The following KDM6B variants were observed in gnomAD, a reference collection of about 807,000 sequenced individuals.
The protein encoded by KDM6B is lysine demethylase 6B.
KDM6B carries 22 observed loss-of-function variants against 150.4 expected under a neutral mutation model. The ratio of observed to expected loss-of-function variants is 0.15; its 90% CI spans 0.10 to 0.21. The LOEUF (loss-of-function observed/expected upper bound fraction) is 0.21. KDM6B is among the 10% of genes least tolerant of loss of function. The probability of loss-of-function intolerance (pLI) is 1.00; values close to 1 mark genes in which losing one functional copy is unlikely to be tolerated. For missense variants in KDM6B, 1,984 were observed against 2,234.3 expected (o/e 0.89, Z 2.26); for synonymous variants, 1,148 against 921.1 (o/e 1.25, Z -4.46).
intron 1 of KDM6B, among the ~76,000 whole-genome samples, chr17:7,836,378 G>A (rs188768150): frequency 3.3e-5 from 5 of 152,238 alleles, no homozygotes; most frequent in African/African-American, 1.2e-4. Context: ...TCTTCCTCTC[G>A]CCGTGTCCTG....
chr17:7,838,560 T>C (rs2078367774), intron 1 of KDM6B, among the ~76,000 whole-genome samples: 1 of 125,982 alleles, frequency 7.9e-6, no homozygotes, highest in African/African-American at 3.2e-5. Flanking sequence ...TTTAAATGGC[T>C]GTTAGCCCCT....
chr17:7,846,378 C>CG, intron 7 of KDM6B, 22 bp from the exon 8 acceptor site: 1 of 599,606 alleles, frequency 1.7e-6, no homozygotes, highest in Non-Finnish European at 3.0e-6. Flanking sequence ...TCTGCCCCTG[C>CG]CCCGTGTCCC....
intron 1 of KDM6B, among the ~76,000 whole-genome samples, chr17:7,835,075 GC>G (rs1216303658): frequency 6.6e-6 from 1 of 151,940 alleles, no homozygotes; most frequent in South Asian, 2.1e-4. Flanking sequence ...AGTAGCTGAA[GC>G]CCCCCGCCCC....
In KDM6B at chr17:7,843,635, G is replaced by A. The variant is rs1387474470; in HGVS notation, c.-268-1266G>A. 6.6e-6 allele frequency among the ~76,000 whole-genome samples: 1 copy of A among 151,986 alleles called. No individual in the cohort carries two copies. Among genetic ancestry groups the A allele is most frequent in the African/African-American group, 2.4e-5 (1 of 41,374 alleles). On this transcript the variant is annotated intron_variant, in intron 2 of 23. Coordinates refer to ENST00000448097, the MANE Select transcript of KDM6B (RefSeq NM_001348716.2). This position sits in a 1 kb window ranked among gnomAD's most constrained non-coding sequence, Gnocchi z 4.5. ...CCAGCCACCCCCAGCCCCTCGTCGC[G>A]CACTCTCCCCCGGCTTCCTGCCCGG...
intron 3 of KDM6B, 91 bp from the exon 4 acceptor site, chr17:7,845,223 A>C: frequency 2.1e-6 from 1 of 474,160 alleles, no homozygotes; most frequent in Non-Finnish European, 3.9e-6. Context: ...CACAAATGAC[A>C]AATTGGTGGA....
At chr17:7,841,448 AAC>A (rs1169273254) in intron 2 of KDM6B, among the ~76,000 whole-genome samples, 3 of 152,242 alleles carry the variant, frequency 2.0e-5, no homozygotes, top group East Asian at 3.8e-4. Flanking sequence ...CATGAAGGCA[AAC>A]ACAGAAGGGC....
At position 7,852,496 on chromosome 17, in the gene KDM6B, C is replaced by T. The variant is rs200157025; in HGVS notation, c.4470C>T (p.Ala1490=). 2.5e-6 allele frequency: 4 copies of T among 1,607,214 alleles called. No homozygotes were observed. The highest frequency in any genetic ancestry group is 1.7e-5 in the Admixed American group (1 of 59,090). Residue 1490 remains alanine, a splice_region_variant and synonymous_variant, in exon 21 of 24, where the codon GCC becomes GCT. Transcript: ENST00000448097. ...GTTGTGATCGCCTTTGGCCCGCAGC[C>T]TATCAGTACCAGCTGGCCCTGGAAC... is the stretch of plus-strand genomic sequence containing the variant. ...NIAWNVGPLT[A]YQYQLALERY...
intron 2 of KDM6B, among the ~76,000 whole-genome samples, chr17:7,841,733 C>G (rs779364323): frequency 6.6e-6 from 1 of 152,208 alleles, no homozygotes; most frequent in Non-Finnish European, 1.5e-5. Context: ...GACACAAGGC[C>G]TGCAGTGACA....
Position 7,851,391 on chromosome 17 carries a change from C to G in KDM6B, c.3941C>G (p.Pro1314Arg). Residue 1314 changes from proline to arginine, a missense_variant, in exon 16 of 24, where the codon CCT (proline) becomes CGT (arginine). Pro to Arg is a moderately radical substitution (Grantham distance 103). Transcript: ENST00000448097. ...EEPDSTTGTP[P>R]SSAPDPKNHH... is the part of the protein sequence containing the mutation. ...CCAGACAGCACCACTGGAACCCCTCCTAGGTACTGTGCAGGTGTGCCCCTT... is the reference window on the plus strand; with the variant it reads ...CCAGACAGCACCACTGGAACCCCTCGTAGGTACTGTGCAGGTGTGCCCCTT... 1 of 1,614,142 alleles carries G rather than the reference C, an allele frequency of 6.2e-7. No homozygotes were observed. Among genetic ancestry groups the G allele is most frequent in the South Asian group, 1.1e-5 (1 of 91,092 alleles).
chr17:7,843,636 C>T lies in KDM6B; in HGVS notation c.-268-1265C>T, dbSNP rs1029118272. ...CAGCCACCCCCAGCCCCTCGTCGCG[C>T]ACTCTCCCCCGGCTTCCTGCCCGGC... On this transcript the variant is annotated intron_variant, in intron 2 of 23. Transcript: ENST00000448097. This position sits in a 1 kb window ranked among gnomAD's most constrained non-coding sequence, Gnocchi z 4.5. Among the ~76,000 whole-genome samples the T allele has an allele frequency of 1.3e-5, 2 of 152,134 alleles. No homozygotes were observed. Among genetic ancestry groups the T allele is most frequent in the African/African-American group, 2.4e-5 (1 of 41,446 alleles).
rs140903569 is a variant in KDM6B, at chr17:7,849,014, C to A, written c.2726C>A (p.Ser909Tyr). The A allele has an allele frequency of 6.2e-4, 987 of 1,599,874 alleles. 1 individual carries two copies. Among genetic ancestry groups the A allele is most frequent in the Admixed American group, 1.5e-3 (88 of 59,592 alleles). Reference protein sequence around the residue: ...PPPLSLPPARSESEVLEEISR... With the variant: ...PPPLSLPPARYESEVLEEISR... ...CCCCTATCTCTGCCCCCTGCTCGCT[C>A]TGAGTCTGAGGTGCTAGAAGAGATC... Residue 909 changes from serine (S) to tyrosine (Y), a missense_variant, in exon 12 of 24, where the codon TCT (serine) becomes TAT (tyrosine). Coordinates refer to ENST00000448097, the MANE Select transcript of KDM6B (RefSeq NM_001348716.2).
At position 7,853,726 on chromosome 17, in the gene KDM6B, T is replaced by C. The variant is rs538087222; in HGVS notation, c.*205T>C. The C allele has an allele frequency of 2.9e-6, 1 of 341,140 alleles. No individual in the cohort carries two copies. The highest frequency in any genetic ancestry group is 5.1e-6 in the Non-Finnish European group (1 of 195,580). The allele number at this position is 341,140 out of a possible 1,614,324, so 21.1% of individuals were successfully genotyped here. On this transcript the variant is annotated 3_prime_UTR_variant, in exon 24 of 24. Transcript: ENST00000448097. ...AATATGAGGAAAAAAGGAAAAAAAA[T>C]GGGAGACGGGGGAGGGGGCTGGCAG...
rs1186399168 is a variant in KDM6B, at chr17:7,853,511, C to T, written c.4922C>T (p.Thr1641Met). ...TTCTCCCCCCAGGCCCCAGCCAGCA[C>T]GTCGCGATGAGGCCGGACGCCCCGC... ...YDAFTLAPAS[T>M]SR Residue 1641 changes from threonine (T) to methionine (M), a missense_variant, in exon 24 of 24, where the codon ACG (threonine) becomes ATG (methionine). Around this residue, in one of 13 missense-constraint regions of KDM6B, gnomAD observed 58 missense variants for 76.4 expected, o/e 0.76. Coordinates refer to ENST00000448097, the MANE Select transcript of KDM6B (RefSeq NM_001348716.2). The T allele has an allele frequency of 4.0e-6, 6 of 1,505,042 alleles. No individual in the cohort carries two copies. The highest frequency in any genetic ancestry group is 1.8e-6 in the Non-Finnish European group (2 of 1,134,096). 93.2% of individuals were successfully genotyped at this position (1,505,042 alleles called of 1,614,324 possible).
Position 7,849,297 on chromosome 17 carries a change from A to AAAGGCC in KDM6B, c.3020_3025dup (p.Ala1007_Lys1008dup), listed in dbSNP as rs777374865. The AAAGGCC allele has an allele frequency of 1.1e-4, 168 of 1,557,312 alleles. No homozygotes were observed. Among genetic ancestry groups the AAAGGCC allele is most frequent in the Non-Finnish European group, 1.4e-4 (163 of 1,150,438 alleles). Reference sequence around the variant, plus strand: ...GTCGTCGGCCCCGTGAGGGCAGGGCAAAGGCCAAGGCCAAGGTCCCCAAAG... The same window carrying AAAGGCC: ...GTCGTCGGCCCCGTGAGGGCAGGGCAAAGGCCAAGGCCAAGGCCAAGGTCCCCAAAG... On this transcript the variant is annotated inframe_insertion, in exon 12 of 24. Transcript: ENST00000448097.
chr17:7,834,760 GACT>G (rs1321608079), intron 1 of KDM6B, among the ~76,000 whole-genome samples: 1 of 152,094 alleles, frequency 6.6e-6, no homozygotes, highest in African/African-American at 2.4e-5. Context: ...CCGGTCCCAG[GACT>G]ACTTTAAGTC....
At chr17:7,852,950 T>A (rs751955146) in intron 21 of KDM6B, 50 bp from the exon 22 acceptor site, 8 of 1,612,506 alleles carry the variant, frequency 5.0e-6, no homozygotes. Context: ...CAGCCCTGCC[T>A]CAGGCCTCCT....
intron 2 of KDM6B, chr17:7,840,300 C>T (rs1350455227): frequency 6.6e-6 from 1 of 152,214 alleles, no homozygotes; most frequent in African/African-American, 2.4e-5. Flanking sequence ...AACTCAGTTG[C>T]TTATTGAAAT....
At position 7,844,999 on chromosome 17, in the gene KDM6B, A is replaced by T; in HGVS notation, c.-170A>T. The T allele has an allele frequency of 1.6e-5, 3 of 186,536 alleles. No individual in the cohort carries two copies. The highest frequency in any genetic ancestry group is 1.3e-4 in the East Asian group (1 of 7,516). The allele number at this position is 186,536 out of a possible 1,614,324, so 11.6% of individuals were successfully genotyped here. A position where few individuals can be genotyped will look rare whatever the true frequency, so the allele number is the denominator to read the frequency against. On this transcript the variant is annotated 5_prime_UTR_variant, in exon 3 of 24. Transcript: ENST00000448097. The surrounding 1 kb of genome is among the most constrained non-coding windows in gnomAD (Gnocchi z 5.9). ...CTCTGGAGCTTGCCGACGCGGTGTG[A>T]GGACGCTCCCACGGAGGCCGGGTAA...
At chr17:7,835,658 C>A (rs1163315269) in intron 1 of KDM6B, among the ~76,000 whole-genome samples, 1 of 152,058 alleles carries the variant, frequency 6.6e-6, no homozygotes, top group Non-Finnish European at 1.5e-5. Flanking sequence ...ATGATAGCGA[C>A]AGGAAAGGGA....
Sources: allele counts gnomAD v4.1 joint callset (sites outside exome capture counted in the v4.1 genomes callset), GRCh38; gene constraint gnomAD v4.1.1; regional missense constraint gnomAD v4.1.1; non-coding constraint Gnocchi (gnomAD v3.1); transcripts MANE v1.5; gene names NCBI Gene and HGNC (gene_info 2026-07-23, HGNC 2026-07-21).